Variants in RANBP2 observed in about 807,000 individuals in gnomAD.
RANBP2 encodes the protein E3 SUMO-protein ligase RanBP2.
A neutral mutation model predicts 303.6 loss-of-function variants in RANBP2; 57 were observed. The ratio of observed to expected loss-of-function variants is 0.19; its 90% confidence interval spans 0.15 to 0.23. RANBP2 has a LOEUF of 0.23. Ranked by LOEUF, RANBP2 falls within the 10% of genes least tolerant of loss-of-function variation. The pLI is 1.00. For synonymous variants in RANBP2, 1,167 were observed against 1,301.5 expected (o/e 0.90, Z 2.23); for missense variants, 3,138 against 3,780.8 (o/e 0.83, Z 4.46).
the RANBP2 span, among the ~76,000 whole-genome samples, chr2:108,830,567 G>A: frequency 6.6e-6 from 1 of 151,634 alleles, no homozygotes; most frequent in South Asian, 2.1e-4. Flanking sequence ...AGCACTTTGG[G>A]AGGCCGAGGC....
rs1696241961 is a variant in RANBP2 at position 108,743,055 on chromosome 2, C to G, written c.975+2374C>G. ...CCGCCCACCTTGGCCTCCCAAAGTG[C>G]TGGCATTATAGGCGTGAGCCACCGC... On this transcript the variant is annotated intron_variant, in intron 7 of 28. Transcript: ENST00000283195. Among the ~76,000 whole-genome samples, 2 of 152,238 alleles carry G rather than the reference C, an allele frequency of 1.3e-5. 1 individual carries two copies. Among genetic ancestry groups the G allele is most frequent in the South Asian group, 4.1e-4 (2 of 4,832 alleles).
the RANBP2 span, among the ~76,000 whole-genome samples, chr2:109,624,216 A>T: frequency 1.3e-5 from 2 of 152,242 alleles, no homozygotes; most frequent in African/African-American, 2.4e-5. Context: ...GGAGGCAAGC[A>T]GAGCGGAGCA....
At chr2:109,399,650 A>C in the RANBP2 span, among the ~76,000 whole-genome samples, 17 of 152,238 alleles carry the variant, frequency 1.1e-4, no homozygotes, top group African/African-American at 4.1e-4. Context: ...AATGATTAAA[A>C]AAATTTTTAA....
At chr2:109,488,040 C>G in the RANBP2 span, among the ~76,000 whole-genome samples, 1 of 152,210 alleles carries the variant, frequency 6.6e-6, no homozygotes, top group Admixed American at 6.5e-5. Flanking sequence ...TTCCTTTGGA[C>G]AACGCAAGGC....
At chr2:109,360,063 CAAAA>C in the RANBP2 span, among the ~76,000 whole-genome samples, 114 of 135,088 alleles carry the variant, frequency 8.4e-4, no homozygotes, top group African/African-American at 1.6e-3. Context: ...TTCCTTGCAC[CAAAA>C]AAAAAAAAAA....
At chr2:109,414,877 C>A in the RANBP2 span, among the ~76,000 whole-genome samples, 1 of 152,212 alleles carries the variant, frequency 6.6e-6, no homozygotes, top group Non-Finnish European at 1.5e-5. Context: ...GGACTGATGG[C>A]CCCCACACAT....
the RANBP2 span, chr2:109,667,412 G>A: frequency 2.2e-4 from 91 of 405,762 alleles, 2 homozygotes; most frequent in East Asian, 1.4e-3. Flanking sequence ...AGTTATTCAC[G>A]GCACTAGAAC....
chr2:109,565,974 T>C, the RANBP2 span: 1 of 910,970 alleles, frequency 1.1e-6, no homozygotes, highest in Non-Finnish European at 1.8e-6. Flanking sequence ...TAAAATCGAA[T>C]GGTCAGCTAT....
At chr2:108,919,151 T>C in the RANBP2 span, among the ~76,000 whole-genome samples, 1 of 152,136 alleles carries the variant, frequency 6.6e-6, no homozygotes, top group Non-Finnish European at 1.5e-5. Flanking sequence ...GGAGGCCCGC[T>C]TCACACCTGA....
At chr2:109,585,786 C>T in the RANBP2 span, 1 of 1,613,996 alleles carries the variant, frequency 6.2e-7, no homozygotes, top group Non-Finnish European at 8.5e-7. Flanking sequence ...ATCAGGCAAA[C>T]TCTCAAAACC....
At chr2:109,267,730 G>C in the RANBP2 span, among the ~76,000 whole-genome samples, 2 of 152,186 alleles carry the variant, frequency 1.3e-5, no homozygotes, top group Non-Finnish European at 2.9e-5. Context: ...CTGTTTCTCA[G>C]TGCATGTCAG....
At chr2:109,358,467 A>G in the RANBP2 span, among the ~76,000 whole-genome samples, 1 of 152,220 alleles carries the variant, frequency 6.6e-6, no homozygotes, top group Non-Finnish European at 1.5e-5. Context: ...TTTGTAAGAA[A>G]TTTCCAAACT....
chr2:108,998,086 C>G, the RANBP2 span, among the ~76,000 whole-genome samples: 6 of 152,150 alleles, frequency 3.9e-5, no homozygotes, highest in Non-Finnish European at 8.8e-5. Context: ...CTGTTGCTCT[C>G]CCTACACTCT....
the RANBP2 span, among the ~76,000 whole-genome samples, chr2:108,965,772 G>A: frequency 1.3e-5 from 2 of 152,106 alleles, no homozygotes; most frequent in Admixed American, 6.6e-5. Context: ...GGGGGCTGGG[G>A]TTTTAGCACA....
At chr2:108,910,859 A>G in the RANBP2 span, 5 of 1,613,690 alleles carry the variant, frequency 3.1e-6, no homozygotes, top group Non-Finnish European at 4.2e-6. Flanking sequence ...GGCTGGGGAG[A>G]GAGGAGGGAG....
the RANBP2 span, among the ~76,000 whole-genome samples, chr2:109,097,644 T>C: frequency 6.9e-6 from 1 of 143,918 alleles, no homozygotes; most frequent in South Asian, 2.3e-4. Context: ...TTTTTTTTTT[T>C]CCTATGTGTA....
the RANBP2 span, among the ~76,000 whole-genome samples, chr2:109,257,582 C>G: frequency 6.6e-6 from 1 of 152,078 alleles, no homozygotes; most frequent in Non-Finnish European, 1.5e-5. Flanking sequence ...TTACTTTCTT[C>G]CCTTGACCAC....
the RANBP2 span, chr2:109,129,222 T>G: frequency 1.9e-6 from 1 of 537,664 alleles, no homozygotes; most frequent in Non-Finnish European, 3.4e-6. Context: ...CCGTTGAGCT[T>G]CGTGCCCGGC....
At chr2:109,608,901 C>T in the RANBP2 span, among the ~76,000 whole-genome samples, 11 of 152,144 alleles carry the variant, frequency 7.2e-5, no homozygotes, top group African/African-American at 2.7e-4. Context: ...ACTAGGAATG[C>T]TCAAAATCTA....
Sources: allele counts gnomAD v4.1 joint callset (sites outside exome capture counted in the v4.1 genomes callset), GRCh38; gene constraint gnomAD v4.1.1; transcripts MANE v1.5; gene names NCBI Gene and HGNC (gene_info 2026-07-23, HGNC 2026-07-21).